Variants in ATP8B4 observed in about 807,000 individuals in gnomAD.
The protein encoded by ATP8B4 is ATPase phospholipid transporting 8B4 (putative).
ATP8B4 carries 133 observed loss-of-function variants against 145.6 expected under a neutral mutation model. That is an observed-to-expected ratio of 0.91 (90% confidence interval 0.79 to 1.05). ATP8B4 has a LOEUF of 1.05. Ranked by LOEUF, ATP8B4 falls within the 50% of genes least tolerant of loss-of-function variation. The pLI is 0.00. For synonymous variants in ATP8B4, 507 were observed against 492.9 expected, an observed-to-expected ratio of 1.03 and a Z score of -0.38; for missense variants, 1,458 against 1,425.2, an observed-to-expected ratio of 1.02 and a Z score of -0.37.
intron 12 of ATP8B4, among the ~76,000 whole-genome samples, chr15:49,976,804 C>A (rs1392579900): frequency 6.6e-6 from 1 of 152,058 alleles, no homozygotes; most frequent in Non-Finnish European, 1.5e-5. Flanking sequence ...CTTTCTTTTA[C>A]AATAGCAGAG....
At chr15:49,937,937 G>A (rs1309922423) in intron 14 of ATP8B4, among the ~76,000 whole-genome samples, 1 of 152,108 alleles carries the variant, frequency 6.6e-6, no homozygotes, top group Non-Finnish European at 1.5e-5. Context: ...TGCTATTCCT[G>A]CCCTCAATGA....
At chr15:50,059,481 T>C (rs2052847987) in intron 3 of ATP8B4, among the ~76,000 whole-genome samples, 1 of 152,166 alleles carries the variant, frequency 6.6e-6, no homozygotes, top group Non-Finnish European at 1.5e-5. Flanking sequence ...CGTACAAAAC[T>C]GTGAAATAAA....
chr15:50,064,981 A>AGTCACCT (rs1164620813), intron 3 of ATP8B4, among the ~76,000 whole-genome samples: 1 of 152,124 alleles, frequency 6.6e-6, no homozygotes. Flanking sequence ...CTCATAATCC[A>AGTCACCT]GTCACCTTCT....
intron 1 of ATP8B4, among the ~76,000 whole-genome samples, chr15:50,156,133 TATATAA>T (rs1480430795): frequency 0.022 from 302 of 13,858 alleles, 18 homozygotes; most frequent in Non-Finnish European, 0.035. Flanking sequence ...TATTTATATA[TATATAA>T]ATATATATAT....
intron 1 of ATP8B4, among the ~76,000 whole-genome samples, chr15:50,142,114 T>C (rs1375201270): frequency 6.6e-6 from 1 of 152,098 alleles, no homozygotes; most frequent in African/African-American, 2.4e-5. Context: ...CTGAGAAATA[T>C]AACTAGAAAC....
At chr15:50,058,962 A>G (rs970980892) in intron 3 of ATP8B4, among the ~76,000 whole-genome samples, 2 of 110,600 alleles carry the variant, frequency 1.8e-5, no homozygotes, top group South Asian at 2.8e-4. Flanking sequence ...AGGGCAGGGA[A>G]AAAAAAAAGA....
intron 3 of ATP8B4, among the ~76,000 whole-genome samples, chr15:50,073,067 ATATATATATGTGTGTGTG>A (rs752705187): frequency 1.5e-5 from 2 of 129,608 alleles, no homozygotes; most frequent in African/African-American, 6.3e-5. Context: ...ACATATACGC[ATATATATATGTGTGTGTG>A]TATATATATG....
intron 1 of ATP8B4, among the ~76,000 whole-genome samples, chr15:50,139,814 A>C (rs2044182203): frequency 6.6e-6 from 1 of 152,210 alleles, no homozygotes. Context: ...TCCTAAAGAA[A>C]CTATTTTTGT....
At chr15:49,981,483 G>T (rs1267762314) in intron 10 of ATP8B4, among the ~76,000 whole-genome samples, 189 bp from the exon 11 acceptor site, 1 of 152,192 alleles carries the variant, frequency 6.6e-6, no homozygotes, top group African/African-American at 2.4e-5. Flanking sequence ...CCTGGAAGCT[G>T]CAAGAGATGT....
At chr15:49,917,194 A>G (rs2039828909) in intron 19 of ATP8B4, 155 bp from the exon 20 acceptor site, 1 of 612,524 alleles carries the variant, frequency 1.6e-6, no homozygotes, top group Non-Finnish European at 2.7e-6. Flanking sequence ...CAAGCAGTGC[A>G]GAGGGAAATT....
intron 6 of ATP8B4, among the ~76,000 whole-genome samples, chr15:50,026,030 T>G (rs186740879): frequency 6.6e-6 from 1 of 152,226 alleles, no homozygotes; most frequent in Non-Finnish European, 1.5e-5. Flanking sequence ...GAATACAATT[T>G]ATCTCCACTG....
chr15:50,091,560 G>A (rs1220276799), intron 2 of ATP8B4, among the ~76,000 whole-genome samples: 3 of 152,066 alleles, frequency 2.0e-5, no homozygotes, highest in African/African-American at 7.2e-5. Context: ...GTTATTTTAA[G>A]TATTTAATCA....
chr15:49,911,413 A>T (rs1024330007), intron 20 of ATP8B4, among the ~76,000 whole-genome samples: 1 of 152,160 alleles, frequency 6.6e-6, no homozygotes, highest in African/African-American at 2.4e-5. Context: ...AAAAATAGTA[A>T]AAAGAGCCAA....
chr15:50,054,407 A>G (rs1352175342), intron 3 of ATP8B4, among the ~76,000 whole-genome samples: 2 of 152,206 alleles, frequency 1.3e-5, no homozygotes, highest in East Asian at 1.9e-4. Flanking sequence ...ACATTAATGG[A>G]TATCACTAAT....
At chr15:49,974,151 C>T (rs1388180937) in intron 12 of ATP8B4, among the ~76,000 whole-genome samples, 2 of 146,664 alleles carry the variant, frequency 1.4e-5, no homozygotes, top group African/African-American at 2.6e-5. Context: ...GGCGCAATCT[C>T]GGCTCACTGC....
chr15:50,152,864 T>C (rs2044364529), intron 1 of ATP8B4, among the ~76,000 whole-genome samples: 1 of 152,238 alleles, frequency 6.6e-6, no homozygotes, highest in South Asian at 2.1e-4. Flanking sequence ...TGATAAAATG[T>C]AATATTTTGT....
At chr15:50,059,731 G>A (rs1263313257) in intron 3 of ATP8B4, among the ~76,000 whole-genome samples, 1 of 152,174 alleles carries the variant, frequency 6.6e-6, no homozygotes, top group Non-Finnish European at 1.5e-5. Flanking sequence ...CAGTTATTCA[G>A]GAGGAAGAAG....
At chr15:50,085,053 C>G (rs907904505) in intron 2 of ATP8B4, among the ~76,000 whole-genome samples, 12 of 152,142 alleles carry the variant, frequency 7.9e-5, no homozygotes, top group African/African-American at 2.9e-4. Flanking sequence ...CTACTCAAGG[C>G]CATCCACTAG....
chr15:50,112,693 G>A (rs2057006055), intron 1 of ATP8B4, among the ~76,000 whole-genome samples: 1 of 152,048 alleles, frequency 6.6e-6, no homozygotes. Context: ...GTAAAGTGGA[G>A]ATGGGAATGC....
Sources: allele counts gnomAD v4.1 joint callset (sites outside exome capture counted in the v4.1 genomes callset), GRCh38; gene constraint gnomAD v4.1.1; transcripts MANE v1.5; gene names NCBI Gene and HGNC (gene_info 2026-07-23, HGNC 2026-07-21).